The following ZDHHC20 variants were observed in gnomAD, a reference collection of about 807,000 sequenced individuals.
ZDHHC20 encodes the protein zDHHC palmitoyltransferase 20, also known as palmitoyltransferase ZDHHC20.
A neutral mutation model predicts 57.8 loss-of-function variants in ZDHHC20; 43 were observed. The ratio of observed to expected loss-of-function variants is 0.74; its 90% CI spans 0.58 to 0.96. ZDHHC20 has a LOEUF of 0.96. Among genes scored for constraint, ZDHHC20 ranks in the 40% least tolerant of loss-of-function variants. The probability of loss-of-function intolerance (pLI) is 0.00; values close to 1 mark genes in which losing one functional copy is unlikely to be tolerated. For synonymous variants in ZDHHC20, 157 were observed against 153.0 expected (o/e 1.03, Z -0.19); for missense variants, 391 against 441.1 (o/e 0.89, Z 1.02).
intron 1 of ZDHHC20, among the ~76,000 whole-genome samples, chr13:21,440,474 G>C (rs1347353183): frequency 2.0e-5 from 3 of 152,018 alleles, no homozygotes; most frequent in Admixed American, 2.0e-4. Flanking sequence ...AGCCAGGTAT[G>C]GTGGCACACG....
chr13:21,384,081 G>C (rs972423648), intron 9 of ZDHHC20, among the ~76,000 whole-genome samples: 7 of 151,682 alleles, frequency 4.6e-5, no homozygotes, highest in Admixed American at 3.3e-4. Context: ...TGGCACTATG[G>C]GGGGTGGGAA....
At position 21,421,308 on chromosome 13, in the gene ZDHHC20, T is replaced by G. The variant is rs114830755; in HGVS notation, c.146-144A>C. The G allele has an allele frequency of 2.0e-3, 1,296 of 657,266 alleles. 15 individuals carry two copies. In the African/African-American group the frequency reaches 0.022, roughly 11 times the overall value. The allele number at this position is 657,266 out of a possible 1,614,324, so 40.7% of individuals were successfully genotyped here. ...GTACTGAAACATCAAATATATAAAC[T>G]TTACTTGCATGAGGAAACATTACTA... On this transcript the variant is annotated intron_variant, in intron 2 of 12. Coordinates refer to ENST00000400590, the MANE Select transcript of ZDHHC20 (RefSeq NM_001330059.2).
chr13:21,418,012 G>C (rs1205334525), intron 3 of ZDHHC20, among the ~76,000 whole-genome samples: 2 of 152,050 alleles, frequency 1.3e-5, no homozygotes, highest in Admixed American at 1.3e-4. Flanking sequence ...TCCTGTTCTT[G>C]GTTGTCTCTA....
At chr13:21,435,945 A>G (rs1293362258) in intron 1 of ZDHHC20, among the ~76,000 whole-genome samples, 1 of 152,202 alleles carries the variant, frequency 6.6e-6, no homozygotes, top group East Asian at 1.9e-4. Context: ...TCTCACTGCA[A>G]TATAGTCCTG....
chr13:21,398,367 G>A (rs1877128516), intron 7 of ZDHHC20, among the ~76,000 whole-genome samples: 1 of 152,024 alleles, frequency 6.6e-6, no homozygotes, highest in African/African-American at 2.4e-5. Context: ...GGGAGGCTGA[G>A]GCAGCAGAAT....
intron 1 of ZDHHC20, among the ~76,000 whole-genome samples, chr13:21,441,270 CTTTT>C (rs991748274): frequency 1.8e-4 from 28 of 151,554 alleles, no homozygotes; most frequent in African/African-American, 6.8e-4. Flanking sequence ...CATTTTGGGT[CTTTT>C]AAGAATGTTT....
intron 1 of ZDHHC20, among the ~76,000 whole-genome samples, chr13:21,439,740 T>A (rs1882926536): frequency 6.6e-6 from 1 of 152,064 alleles, no homozygotes; most frequent in Non-Finnish European, 1.5e-5. Context: ...TCAATACTAA[T>A]TTATTGATTT....
chr13:21,431,057 C>T (rs767908398), intron 1 of ZDHHC20, among the ~76,000 whole-genome samples: 7 of 152,096 alleles, frequency 4.6e-5, no homozygotes, highest in Admixed American at 1.3e-4. Flanking sequence ...GTGATTTCAC[C>T]TTTTTGTCTA....
intron 7 of ZDHHC20, among the ~76,000 whole-genome samples, chr13:21,393,871 G>A (rs887689290): frequency 6.6e-6 from 1 of 152,110 alleles, no homozygotes; most frequent in Non-Finnish European, 1.5e-5. Context: ...ATTTCAGTCT[G>A]GGGAAGAATA....
chr13:21,386,551 T>G (rs1006121249), intron 9 of ZDHHC20, among the ~76,000 whole-genome samples: 2 of 152,112 alleles, frequency 1.3e-5, no homozygotes, highest in Non-Finnish European at 2.9e-5. Flanking sequence ...CATCTAAAAT[T>G]TTTTGTTTTG....
Position 21,413,062 on chromosome 13 carries a change from C to T in ZDHHC20, c.370+590G>A, listed in dbSNP as rs189993368. ...AAAACAATTCCCTGTATTTAAACGA[C>T]CAGCCACTTATAGACTCTTCCCTGT... On this transcript the variant is annotated intron_variant, in intron 4 of 12. Transcript: ENST00000400590. Among the ~76,000 whole-genome samples, 207 of 151,334 alleles carry T rather than the reference C, an allele frequency of 1.4e-3. 2 individuals carry two copies. The highest frequency in any genetic ancestry group is 4.9e-3 in the African/African-American group (203 of 41,206).
intron 1 of ZDHHC20, among the ~76,000 whole-genome samples, chr13:21,435,091 A>C (rs1234215711): frequency 2.0e-5 from 3 of 152,098 alleles, no homozygotes; most frequent in African/African-American, 7.2e-5. Context: ...TCTGCAGTCT[A>C]CTCAATGAAG....
In ZDHHC20 at chr13:21,409,216, T is replaced by G. The variant is rs191207242; in HGVS notation, c.370+4436A>C. 1.2e-3 allele frequency among the ~76,000 whole-genome samples: 178 copies of G among 152,326 alleles called. 3 individuals are homozygous for G. The highest frequency in any genetic ancestry group is 0.011 in the Admixed American group (161 of 15,304). ...TCCTCTTTGTACCTCTGGTAGAATT[T>G]GGCTGTGAATCCGTCTGGTCCTGGG... On this transcript the variant is annotated intron_variant, in intron 4 of 12. Transcript: ENST00000400590.
chr13:21,442,788 T>A (rs1377204437), intron 1 of ZDHHC20, among the ~76,000 whole-genome samples: 2 of 152,148 alleles, frequency 1.3e-5, no homozygotes, highest in Admixed American at 1.3e-4. Context: ...GACTTGCAGT[T>A]TCTTTTATTC....
At chr13:21,442,434 C>T (rs1032576120) in intron 1 of ZDHHC20, among the ~76,000 whole-genome samples, 5 of 152,156 alleles carry the variant, frequency 3.3e-5, no homozygotes, top group Admixed American at 6.6e-5. Context: ...TCTTCCTGCT[C>T]GCTGACTGTT....
chr13:21,381,438 T>C lies in ZDHHC20; in HGVS notation c.1056A>G (p.Lys352=). Residue 352 remains lysine (K), a synonymous_variant, in exon 11 of 13, where the codon AAA becomes AAG. Coordinates refer to ENST00000400590, the MANE Select transcript of ZDHHC20 (RefSeq NM_001330059.2). ...LENGAEEGIV[K]SGTNNHVTVA... ...GTTTCAAATGAGAACTATTACCTGA[T>C]TTGACGATGCCTTCTTCAGCTCCAT... 4 of 1,612,916 alleles carry C rather than the reference T, an allele frequency of 2.5e-6. No individual in the cohort carries two copies. The highest frequency in any genetic ancestry group is 3.4e-6 in the Non-Finnish European group (4 of 1,178,974).
intron 1 of ZDHHC20, among the ~76,000 whole-genome samples, chr13:21,454,002 A>G (rs1884689611): frequency 6.6e-6 from 1 of 152,054 alleles, no homozygotes; most frequent in Admixed American, 6.5e-5. Context: ...ACAAGCCACC[A>G]TGCCCATCTA....
chr13:21,414,258 CT>C (rs1382553795), intron 3 of ZDHHC20, among the ~76,000 whole-genome samples: 2 of 142,896 alleles, frequency 1.4e-5, no homozygotes, highest in Non-Finnish European at 3.0e-5. Flanking sequence ...CCATTTTTAG[CT>C]TTCGAAAAGT....
intron 2 of ZDHHC20, among the ~76,000 whole-genome samples, chr13:21,422,857 C>G (rs1880801689): frequency 6.6e-6 from 1 of 152,102 alleles, no homozygotes; most frequent in Non-Finnish European, 1.5e-5. Context: ...ACCAGCACAT[C>G]CTAGTAAAAC....
Sources: allele counts gnomAD v4.1 joint callset (sites outside exome capture counted in the v4.1 genomes callset), GRCh38; gene constraint gnomAD v4.1.1; transcripts MANE v1.5; gene names NCBI Gene and HGNC (gene_info 2026-07-23, HGNC 2026-07-21).